The following FHIT variants were observed in gnomAD, a reference collection of about 807,000 sequenced individuals.
The protein encoded by FHIT is fragile histidine triad diadenosine triphosphatase, also known as bis(5'-adenosyl)-triphosphatase.
In FHIT, 19 loss-of-function variants were observed where a neutral mutation model predicts 17.9. The observed-to-expected ratio is 1.06, with a 90% CI of 0.74 to 1.56. FHIT has a LOEUF of 1.56. Ranked by LOEUF, FHIT falls within the 40% of genes most tolerant of loss-of-function variation. FHIT has a pLI of 0.00. For missense variants in FHIT, 248 were observed against 189.2 expected, an observed-to-expected ratio of 1.31 and a Z score of -1.82; for synonymous variants, 81 against 69.7, an observed-to-expected ratio of 1.16 and a Z score of -0.81.
intron 8 of FHIT, among the ~76,000 whole-genome samples, chr3:59,771,287 G>T (rs558179716): frequency 6.6e-6 from 1 of 152,164 alleles, no homozygotes; most frequent in Non-Finnish European, 1.5e-5. Context: ...GAATGAACCT[G>T]CTCTATAAAG....
chr3:60,942,413 T>C (rs1397636918), intron 3 of FHIT, among the ~76,000 whole-genome samples: 2 of 152,184 alleles, frequency 1.3e-5, no homozygotes, highest in African/African-American at 4.8e-5. Context: ...CATGGATATA[T>C]ATACATAGGG....
At chr3:60,402,081 C>A (rs1701679591) in intron 5 of FHIT, among the ~76,000 whole-genome samples, 1 of 152,132 alleles carries the variant, frequency 6.6e-6, no homozygotes, top group African/African-American at 2.4e-5. Context: ...TTGTTTCCCC[C>A]ATCCCTGCCA....
intron 3 of FHIT, among the ~76,000 whole-genome samples, chr3:60,916,431 A>G (rs1707007106): frequency 6.6e-6 from 1 of 152,120 alleles, no homozygotes; most frequent in Admixed American, 6.5e-5. Context: ...AAAGTTCATC[A>G]TTTTTCTGCC....
chr3:60,605,289 T>C (rs1303346376), intron 4 of FHIT, among the ~76,000 whole-genome samples: 1 of 152,184 alleles, frequency 6.6e-6, no homozygotes, highest in African/African-American at 2.4e-5. Context: ...TTTGAAATCA[T>C]ACTATTTGCA....
intron 4 of FHIT, among the ~76,000 whole-genome samples, chr3:60,554,710 A>G (rs2036684362): frequency 6.6e-6 from 1 of 152,348 alleles, no homozygotes; most frequent in South Asian, 2.1e-4. Flanking sequence ...ATACCAAAGG[A>G]AAAACCACAT....
intron 5 of FHIT, among the ~76,000 whole-genome samples, chr3:60,289,440 T>G (rs1707879073): frequency 6.6e-6 from 1 of 152,162 alleles, no homozygotes; most frequent in Non-Finnish European, 1.5e-5. Flanking sequence ...CAAAGATCCT[T>G]GTGGATTATA....
At chr3:60,050,501 C>T (rs368200474) in intron 5 of FHIT, among the ~76,000 whole-genome samples, 15 of 152,178 alleles carry the variant, frequency 9.9e-5, no homozygotes, top group African/African-American at 3.6e-4. Context: ...AGAATCTGAA[C>T]AAAACTGAAG....
chr3:59,956,334 G>C (rs939016124), intron 7 of FHIT, among the ~76,000 whole-genome samples: 2 of 152,032 alleles, frequency 1.3e-5, no homozygotes, highest in Admixed American at 1.3e-4. Flanking sequence ...AGGAGTTTGA[G>C]ACCAGTCTGG....
At chr3:60,213,136 T>C (rs886082720) in intron 5 of FHIT, among the ~76,000 whole-genome samples, 2 of 152,090 alleles carry the variant, frequency 1.3e-5, no homozygotes, top group African/African-American at 4.8e-5. Context: ...TAGCCTCAAC[T>C]AGAAAGAGAA....
chr3:60,095,281 A>C (rs1359911037), intron 5 of FHIT, among the ~76,000 whole-genome samples: 2 of 152,242 alleles, frequency 1.3e-5, no homozygotes, highest in Non-Finnish European at 2.9e-5. Flanking sequence ...CACCCAAATG[A>C]AACAGGTGGA....
intron 7 of FHIT, among the ~76,000 whole-genome samples, chr3:59,961,113 T>C (rs1707656306): frequency 6.6e-6 from 1 of 152,214 alleles, no homozygotes; most frequent in Non-Finnish European, 1.5e-5. Flanking sequence ...TTATGGTGGA[T>C]TAAATTTACC....
intron 3 of FHIT, among the ~76,000 whole-genome samples, chr3:61,006,250 G>A (rs2031439378): frequency 6.6e-6 from 1 of 152,124 alleles, no homozygotes; most frequent in Non-Finnish European, 1.5e-5. Context: ...TATGGGATTT[G>A]ACATTAAGAT....
intron 2 of FHIT, among the ~76,000 whole-genome samples, chr3:61,071,234 GA>G (rs919742233): frequency 1.3e-5 from 2 of 151,782 alleles, no homozygotes; most frequent in African/African-American, 4.8e-5. Context: ...AAAAAGAAAA[GA>G]AAAAAAATTC....
chr3:60,149,946 C>A (rs1488207754), intron 5 of FHIT, among the ~76,000 whole-genome samples: 4 of 150,640 alleles, frequency 2.7e-5, no homozygotes, highest in African/African-American at 9.7e-5. Flanking sequence ...AGCCATCCTG[C>A]CACCACTGGT....
intron 8 of FHIT, among the ~76,000 whole-genome samples, chr3:59,890,132 T>C (rs1317244084): frequency 6.6e-6 from 1 of 152,240 alleles, no homozygotes. Context: ...GATTCCAGCC[T>C]GATCTATCAG....
intron 1 of FHIT, among the ~76,000 whole-genome samples, chr3:61,215,124 T>C (rs1376580602): frequency 6.6e-6 from 1 of 151,696 alleles, no homozygotes; most frequent in East Asian, 1.9e-4. Context: ...CTCTCACCAC[T>C]CCTATTCAAC....
intron 5 of FHIT, among the ~76,000 whole-genome samples, chr3:60,400,302 A>C (rs764198700): frequency 6.6e-6 from 1 of 152,086 alleles, no homozygotes; most frequent in Non-Finnish European, 1.5e-5. Context: ...GAAGCCCTGT[A>C]ATGTGAAGCA....
At chr3:60,420,013 G>A (rs1374098914) in intron 5 of FHIT, among the ~76,000 whole-genome samples, 2 of 152,076 alleles carry the variant, frequency 1.3e-5, no homozygotes, top group East Asian at 1.9e-4. Context: ...CCTTATAAAT[G>A]TACATAACTA....
intron 3 of FHIT, among the ~76,000 whole-genome samples, chr3:60,980,774 C>G (rs1309299321): frequency 6.6e-6 from 1 of 152,172 alleles, no homozygotes; most frequent in Non-Finnish European, 1.5e-5. Context: ...TAGCCTAGCA[C>G]TTTTCCTGAC....
Sources: allele counts gnomAD v4.1 joint callset (sites outside exome capture counted in the v4.1 genomes callset), GRCh38; gene constraint gnomAD v4.1.1; transcripts MANE v1.5; gene names NCBI Gene and HGNC (gene_info 2026-07-23, HGNC 2026-07-21).